The following NFE2L2 variants were observed in gnomAD, a reference collection of about 807,000 sequenced individuals.
The protein encoded by NFE2L2 is nuclear factor erythroid 2-related factor 2.
Under a neutral mutation model 49.6 loss-of-function variants are expected in NFE2L2, and 20 were observed. The observed-to-expected ratio is 0.40, with a 90% CI of 0.28 to 0.59. NFE2L2 has a LOEUF of 0.59. NFE2L2 is among the 20% of genes least tolerant of loss of function. The pLI is 0.40. For synonymous variants in NFE2L2, 244 were observed against 256.5 expected (o/e 0.95, Z 0.47); for missense variants, 578 against 714.2 (o/e 0.81, Z 2.17).
intron 1 of NFE2L2, among the ~76,000 whole-genome samples, chr2:177,244,137 A>G (rs1241882009): frequency 6.6e-6 from 1 of 151,958 alleles, no homozygotes; most frequent in East Asian, 1.9e-4. Flanking sequence ...CGTCTCTACT[A>G]AAAATACAAA....
At chr2:177,245,095 A>G (rs1429509751) in intron 1 of NFE2L2, among the ~76,000 whole-genome samples, 1 of 150,880 alleles carries the variant, frequency 6.6e-6, no homozygotes, top group Non-Finnish European at 1.5e-5. Flanking sequence ...GTTTTCCCTC[A>G]TCTCCTCCCC....
intron 1 of NFE2L2, among the ~76,000 whole-genome samples, chr2:177,260,566 G>A (rs970301428): frequency 5.3e-5 from 8 of 152,166 alleles, no homozygotes; most frequent in Non-Finnish European, 7.4e-5. Context: ...GATTAGGGTT[G>A]AATTTGCGCC....
At chr2:177,244,257 G>A (rs1000347882) in intron 1 of NFE2L2, among the ~76,000 whole-genome samples, 26 of 151,492 alleles carry the variant, frequency 1.7e-4, no homozygotes, top group African/African-American at 4.6e-4. Flanking sequence ...AGCCAAGATC[G>A]CGCCATTGCA....
chr2:177,259,119 T>G (rs890790083), intron 1 of NFE2L2, among the ~76,000 whole-genome samples: 1 of 152,082 alleles, frequency 6.6e-6, no homozygotes, highest in Non-Finnish European at 1.5e-5. Flanking sequence ...CTGGCCAACA[T>G]AGTGAAACTC....
Position 177,242,438 on chromosome 2 carries a change from C to T in NFE2L2, c.46-8167G>A, listed in dbSNP as rs771762828. Among the ~76,000 whole-genome samples, 6 of 152,192 alleles carry T rather than the reference C, an allele frequency of 3.9e-5. No homozygotes were observed. The South Asian group carries it at 1.2e-3, about 32-fold the overall frequency. ...AAAAAAGCCCAAATACACACAAAGA[C>T]GTATTATTCAACAAGTTAAAACCCT... is the stretch of plus-strand genomic sequence containing the variant. On this transcript the variant is annotated intron_variant, in intron 1 of 4. Coordinates refer to ENST00000397062, the MANE Select transcript of NFE2L2 (RefSeq NM_006164.5).
intron 1 of NFE2L2, chr2:177,263,258 G>A (rs1690804283): frequency 5.1e-6 from 3 of 586,108 alleles, no homozygotes; most frequent in African/African-American, 2.0e-5. Flanking sequence ...GCAGAAGAGG[G>A]GGAACATGTT....
In NFE2L2 at chr2:177,231,208, A is replaced by G. The variant is rs770271968; in HGVS notation, c.1395T>C (p.His465=). Residue 465 remains histidine, a synonymous_variant, in exon 5 of 5, where the codon CAT becomes CAC. Coordinates refer to ENST00000397062, the MANE Select transcript of NFE2L2 (RefSeq NM_006164.5). ...TRDELRAKAL[H]IPFPVEKIIN... is the part of the protein sequence containing the mutation. ...TGATTTTTTCTACAGGGAATGGGAT[A>G]TGGAGAGCTTTTGCCCTAAGTTCAT... The G allele has an allele frequency of 2.5e-6, 4 of 1,614,096 alleles. No homozygotes were observed. Among genetic ancestry groups the G allele is most frequent in the Admixed American group, 3.3e-5 (2 of 60,006 alleles).
intron 1 of NFE2L2, among the ~76,000 whole-genome samples, chr2:177,243,630 C>T (rs1574268903): frequency 6.6e-6 from 1 of 152,242 alleles, no homozygotes; most frequent in Non-Finnish European, 1.5e-5. Context: ...AAGTGATCCT[C>T]CCACCTTGGC....
At position 177,252,680 on chromosome 2, in the gene NFE2L2, C is replaced by T. The variant is rs117045674; in HGVS notation, c.45+11852G>A. Among the ~76,000 whole-genome samples the T allele has an allele frequency of 1.8e-3, 267 of 152,150 alleles. 4 individuals are homozygous for T. The East Asian group carries it at 0.037, about 21-fold the overall frequency. On this transcript the variant is annotated intron_variant, in intron 1 of 4. Transcript: ENST00000397062. ...GAGTATTTTTAAAGCACAGGAACAG[C>T]GGAGCATGCAAGCTTGAGCACAATC...
intron 1 of NFE2L2, among the ~76,000 whole-genome samples, chr2:177,254,567 A>AAC: frequency 6.6e-6 from 1 of 152,156 alleles, no homozygotes; most frequent in Non-Finnish European, 1.5e-5. Context: ...TGCTTGTCAC[A>AAC]GCGATCCGTG....
At chr2:177,255,811 T>G (rs1469467485) in intron 1 of NFE2L2, 1 of 152,134 alleles carries the variant, frequency 6.6e-6, no homozygotes, top group Admixed American at 6.6e-5. Context: ...TCCTCCCACC[T>G]TGACTTCCCA....
intron 1 of NFE2L2, among the ~76,000 whole-genome samples, chr2:177,246,608 C>T (rs11686945): frequency 0.87 from 128,213 of 147,528 alleles, 55,769 homozygotes; most frequent in Non-Finnish European, 0.89. Flanking sequence ...TCTTTTTTTT[C>T]TTTTTTTCTA....
At chr2:177,236,841 T>C (rs917629391) in intron 1 of NFE2L2, among the ~76,000 whole-genome samples, 3 of 151,834 alleles carry the variant, frequency 2.0e-5, no homozygotes, top group South Asian at 4.2e-4. Flanking sequence ...GGGTTTTTTT[T>C]CCACTTTTTT....
chr2:177,232,788 T>TAA (rs1248767036), intron 3 of NFE2L2: 1 of 558,332 alleles, frequency 1.8e-6, no homozygotes, highest in African/African-American at 1.9e-5. Flanking sequence ...TGTTTCAGCT[T>TAA]AAGCATTTGA....
chr2:177,254,986 G>C (rs1489097385), intron 1 of NFE2L2, among the ~76,000 whole-genome samples: 1 of 152,180 alleles, frequency 6.6e-6, no homozygotes, highest in South Asian at 2.1e-4. Flanking sequence ...CTGGTAACAT[G>C]AATGAAGATG....
At chr2:177,264,196 A>C (rs1690854611) in intron 1 of NFE2L2, among the ~76,000 whole-genome samples, 1 of 151,944 alleles carries the variant, frequency 6.6e-6, no homozygotes, top group African/African-American at 2.4e-5. Flanking sequence ...CGGGCCGCTC[A>C]AACTTAGGGG....
rs1398673883 is a variant in NFE2L2, at chr2:177,231,971, G to A, written c.632C>T (p.Thr211Ile). The A allele has an allele frequency of 6.2e-7, 1 of 1,612,806 alleles. No homozygotes were observed. Among genetic ancestry groups the A allele is most frequent in the Non-Finnish European group, 8.5e-7 (1 of 1,179,238 alleles). Residue 211 changes from threonine to isoleucine, a missense_variant, in exon 5 of 5, where the codon ACC becomes ATC. This residue lies in a region of NFE2L2 where 368 missense variants were observed against 384.6 expected (regional missense o/e 0.96). Transcript: ENST00000397062. ...NIENDKLVETTMVPSPEAKLT... is the reference protein window; with the variant it reads ...NIENDKLVETIMVPSPEAKLT... Reference sequence around the variant, plus strand: ...TTTGGCTTCTGGACTTGGAACCATGGTAGTCTCAACCAGCTTGTCATTTTC... The same window carrying A: ...TTTGGCTTCTGGACTTGGAACCATGATAGTCTCAACCAGCTTGTCATTTTC...
chr2:177,263,876 C>A (rs1356003150), intron 1 of NFE2L2: 2 of 985,410 alleles, frequency 2.0e-6, no homozygotes, highest in East Asian at 2.3e-4. Flanking sequence ...CTCCCTCGTC[C>A]CGGGGCTGGG....
Position 177,234,212 on chromosome 2 carries a change from T to C in NFE2L2, c.105A>G (p.Glu35=), listed in dbSNP as rs2105459368. ...RQDIDLGVSR[E]VFDFSQRRKE... is the part of the protein sequence containing the mutation. Reference sequence around the variant, plus strand: ...TCCGTCGCTGACTGAAGTCAAATACTTCTCGACTTACTCCAAGATCTATAT... The same window carrying C: ...TCCGTCGCTGACTGAAGTCAAATACCTCTCGACTTACTCCAAGATCTATAT... The change falls in exon 2 of 5, where the codon GAA becomes GAG. Residue 35 remains glutamate (E), a synonymous_variant. Coordinates refer to ENST00000397062, the MANE Select transcript of NFE2L2 (RefSeq NM_006164.5). The C allele has an allele frequency of 1.9e-6, 3 of 1,614,010 alleles. No individual in the cohort carries two copies. Among genetic ancestry groups the C allele is most frequent in the Non-Finnish European group, 2.5e-6 (3 of 1,180,016 alleles).
Sources: allele counts gnomAD v4.1 joint callset (sites outside exome capture counted in the v4.1 genomes callset), GRCh38; gene constraint gnomAD v4.1.1; regional missense constraint gnomAD v4.1.1; transcripts MANE v1.5; gene names NCBI Gene and HGNC (gene_info 2026-07-23, HGNC 2026-07-21).